Variants in MYH3 observed in about 807,000 individuals in gnomAD.
MYH3 encodes the protein myosin-3.
In MYH3, 130 loss-of-function variants were observed where a neutral mutation model predicts 238.0. The ratio of observed to expected loss-of-function variants is 0.55; its 90% confidence interval spans 0.47 to 0.63. MYH3 has a LOEUF of 0.63. Among genes scored for constraint, MYH3 ranks in the 30% least tolerant of loss-of-function variants. The pLI is 0.00. For missense variants in MYH3, 1,853 were observed against 2,374.9 expected (o/e 0.78, Z 4.57); for synonymous variants, 880 against 924.1 (o/e 0.95, Z 0.86).
chr17:10,671,871 A>G, the MYH3 span, among the ~76,000 whole-genome samples: 1 of 152,138 alleles, frequency 6.6e-6, no homozygotes, highest in Non-Finnish European at 1.5e-5. Context: ...GAGCACCTGT[A>G]ATCCCAGGGT....
chr17:10,651,053 T>C (rs1386129249), intron 5 of MYH3, among the ~76,000 whole-genome samples: 1 of 152,032 alleles, frequency 6.6e-6, no homozygotes, highest in Non-Finnish European at 1.5e-5. Context: ...GACATGGTGG[T>C]GCATACCTGT....
chr17:10,652,436 G>A lies in MYH3; in HGVS notation c.332C>T (p.Thr111Ile). The A allele has an allele frequency of 1.2e-6, 2 of 1,614,058 alleles. No homozygotes were observed. Among genetic ancestry groups the A allele is most frequent in the East Asian group, 2.2e-5 (1 of 44,856 alleles). ...CTCGCTGACATAGATCATCCAAGAT[G>A]TGTAACGGTCCTTCAGGTTGTACAG... ...AVLYNLKDRY[T>I]SWMIYTYSGL... Residue 111 changes from threonine (T) to isoleucine (I), a missense_variant, in exon 4 of 41, where the codon ACA becomes ATA. Thr to Ile is a moderately conservative substitution (Grantham distance 89). Transcript: ENST00000583535.
chr17:10,646,989 C>T (rs2074328161), intron 10 of MYH3, among the ~76,000 whole-genome samples, 193 bp downstream of exon 10: 3 of 152,136 alleles, frequency 2.0e-5, no homozygotes, highest in South Asian at 4.1e-4. Context: ...GTCAAGACTA[C>T]AAGTGAGCTG....
intron 26 of MYH3, 24 bp downstream of exon 26, chr17:10,638,849 G>T: frequency 1.2e-6 from 2 of 1,607,922 alleles, no homozygotes; most frequent in South Asian, 1.1e-5. Context: ...TCACATGGAA[G>T]AGAGAAATGC....
At chr17:10,664,569 A>G in the MYH3 span, among the ~76,000 whole-genome samples, 1 of 152,068 alleles carries the variant, frequency 6.6e-6, no homozygotes, top group Non-Finnish European at 1.5e-5. Flanking sequence ...TGAAAGGGAG[A>G]GCTGGTGCTG....
chr17:10,673,620 T>C, the MYH3 span: 36 of 152,368 alleles, frequency 2.4e-4, no homozygotes, highest in Non-Finnish European at 2.6e-4. Context: ...TCTCAGTCTA[T>C]TGCATCAGTG....
At chr17:10,628,905 T>C (rs2074121982) in intron 40 of MYH3, among the ~76,000 whole-genome samples, 1 of 152,198 alleles carries the variant, frequency 6.6e-6, no homozygotes, top group Non-Finnish European at 1.5e-5. Context: ...AGCGACCTAC[T>C]GTCGGATGCT....
At position 10,654,109 on chromosome 17, in the gene MYH3, A is replaced by G. The variant is rs751476796; in HGVS notation, c.204+752T>C. Among the ~76,000 whole-genome samples, 45 of 151,966 alleles carry G rather than the reference A, an allele frequency of 3.0e-4. No homozygotes were observed. Among genetic ancestry groups the G allele is most frequent in the Non-Finnish European group, 5.3e-4 (36 of 67,994 alleles). On this transcript the variant is annotated intron_variant, in intron 3 of 40. Transcript: ENST00000583535. The surrounding 1 kb of genome is among the most constrained non-coding windows in gnomAD (Gnocchi z 4.5). Reference sequence around the variant, plus strand: ...TTTCCTTCATGCCCAACCCAATGATAGTATTTCCTTTACTTGTCTCTTTTA... The same window carrying G: ...TTTCCTTCATGCCCAACCCAATGATGGTATTTCCTTTACTTGTCTCTTTTA...
In MYH3 at chr17:10,649,566, C is replaced by G; in HGVS notation, c.642+11G>C. The G allele has an allele frequency of 6.2e-7, 1 of 1,601,616 alleles. No individual in the cohort carries two copies. The highest frequency in any genetic ancestry group is 8.6e-7 in the Non-Finnish European group (1 of 1,168,528). On this transcript the variant is annotated intron_variant, in intron 7 of 40. Transcript: ENST00000583535. ...GTGGAAGCAAAGCAAGCCTTCCTCT[C>G]CCATCTATACCTTCATTTTGGAGTC... is the stretch of plus-strand genomic sequence containing the variant.
rs765169640 is a variant in MYH3, at chr17:10,647,439, G to A, written c.736-13C>T. On this transcript the variant is annotated splice_polypyrimidine_tract_variant and intron_variant, in intron 8 of 40. Coordinates refer to ENST00000583535, the MANE Select transcript of MYH3 (RefSeq NM_002470.4). ...GGATGAACTTGCCCTGTATGGGGCG[G>A]GATTCAGGGGGAGACCAGATTCTAC... 5.9e-5 allele frequency: 96 copies of A among 1,613,752 alleles called. No individual in the cohort carries two copies. The highest frequency in any genetic ancestry group is 7.9e-5 in the Non-Finnish European group (93 of 1,179,814).
chr17:10,646,660 C>A (rs1330029714), intron 10 of MYH3, among the ~76,000 whole-genome samples: 1 of 152,190 alleles, frequency 6.6e-6, no homozygotes, highest in Non-Finnish European at 1.5e-5. Context: ...TAAACCAGAG[C>A]TGGTCAGGAG....
rs1196490495 is a variant in MYH3 at position 10,649,674 on chromosome 17, C to G, written c.545G>C (p.Gly182Ala). The G allele has an allele frequency of 1.9e-6, 3 of 1,614,086 alleles. No homozygotes were observed. In the Admixed American group the frequency reaches 5.0e-5, roughly 27 times the overall value. The part of the protein sequence containing the change: ...NQSILITGES[G>A]AGKTVNTKRV... ...TTTGGTGTTCACAGTCTTTCCTGCC[C>G]CGGATTCTCCGCTGTACAGAGTGAT... The change falls in exon 7 of 41, where the codon GGG (glycine) becomes GCG (alanine). Residue 182 changes from glycine (G) to alanine (A), a missense_variant. By Grantham distance (60) the Gly-to-Ala change is moderately conservative (BLOSUM62 0). This residue lies in a region of MYH3 where 678 missense variants were observed against 1,058.9 expected (regional missense o/e 0.64). Transcript: ENST00000583535.
At chr17:10,673,606 A>G in the MYH3 span, 1 of 151,158 alleles carries the variant, frequency 6.6e-6, no homozygotes, top group African/African-American at 2.5e-5. Flanking sequence ...GCAGGCAGTT[A>G]GTCTCTCAGT....
At chr17:10,657,726 A>G (rs567307760), upstream of MYH3, among the ~76,000 whole-genome samples, 1 of 152,302 alleles carries the variant, frequency 6.6e-6, no homozygotes, top group African/African-American at 2.4e-5. Context: ...AGTGAATAAG[A>G]CTGAGAGTGA....
chr17:10,662,028 CTT>C (rs113018125), upstream of MYH3, among the ~76,000 whole-genome samples: 1 of 140,734 alleles, frequency 7.1e-6, no homozygotes. Context: ...TTCTTTCTTT[CTT>C]TTTTTTTTTT....
chr17:10,644,444 C>T lies in MYH3; in HGVS notation c.1317G>A (p.Trp439Ter). 1.9e-6 allele frequency: 3 copies of T among 1,614,036 alleles called. No homozygotes were observed. The highest frequency in any genetic ancestry group is 2.5e-6 in the Non-Finnish European group (3 of 1,179,884). Residue 439 changes from tryptophan to a stop codon, truncating the protein, a stop_gained, in exon 14 of 41, where the codon TGG becomes TGA. Coordinates refer to ENST00000583535, the MANE Select transcript of MYH3 (RefSeq NM_002470.4). LOFTEE classifies it high-confidence loss of function. ...SKSVYEKLFL[W>*]MVTRINQQLD... ...GTTGCTGGTTAATGCGAGTGACCAT[C>T]CACAAGAACAACTTTTCATAAACTG...
At chr17:10,647,606 G>A (rs1393789305) in intron 8 of MYH3, among the ~76,000 whole-genome samples, 180 bp from the exon 9 acceptor site, 3 of 152,156 alleles carry the variant, frequency 2.0e-5, no homozygotes, top group Admixed American at 1.3e-4. Context: ...GTGCAGTGGC[G>A]TGATCTCGGC....
chr17:10,629,932 T>C lies in MYH3; in HGVS notation c.5568A>G (p.Glu1856=), dbSNP rs748177595. The C allele has an allele frequency of 6.2e-7, 1 of 1,614,016 alleles. No homozygotes were observed. Among genetic ancestry groups the C allele is most frequent in the African/African-American group, 1.3e-5 (1 of 74,914 alleles). The change falls in exon 39 of 41, where the codon GAA becomes GAG. Residue 1856 remains glutamate (E), a synonymous_variant. Transcript: ENST00000583535. The part of the protein sequence containing the change: ...RRVKELTYQS[E]EDRKNVLRLQ... Reference sequence around the variant, plus strand: ...ATCTCAGCACATTCTTCCTGTCCTCTTCACTCTAAGAATGAGAAAGTGGGA... The same window carrying C: ...ATCTCAGCACATTCTTCCTGTCCTCCTCACTCTAAGAATGAGAAAGTGGGA...
chr17:10,648,346 C>G (rs1161817255), intron 8 of MYH3, among the ~76,000 whole-genome samples: 1 of 152,200 alleles, frequency 6.6e-6, no homozygotes, highest in Non-Finnish European at 1.5e-5. Flanking sequence ...CCCTGCCCAC[C>G]CTGCCTAAAG....
Sources: gnomAD v4.1 joint callset for allele counts (sites outside exome capture counted in the v4.1 genomes callset) on GRCh38, gnomAD v4.1.1 for gene constraint, gnomAD v4.1.1 regional missense constraint, Gnocchi (gnomAD v3.1) non-coding constraint, MANE v1.5 for transcripts, NCBI Gene and HGNC (gene_info 2026-07-23, HGNC 2026-07-21) for gene names.